Variants in STARD13 observed in about 807,000 individuals in gnomAD.
The protein encoded by STARD13 is StAR related lipid transfer domain containing 13.
STARD13 carries 62 observed loss-of-function variants against 106.4 expected under a neutral mutation model. The ratio of observed to expected loss-of-function variants is 0.58; its 90% confidence interval spans 0.48 to 0.72. The LOEUF (loss-of-function observed/expected upper bound fraction) is 0.72. Among genes scored for constraint, STARD13 ranks in the 30% least tolerant of loss-of-function variants. The pLI is 0.00. For synonymous variants in STARD13, 565 were observed against 553.0 expected (o/e 1.02, Z -0.31); for missense variants, 1,387 against 1,424.0 (o/e 0.97, Z 0.42).
the STARD13 span, among the ~76,000 whole-genome samples, chr13:33,547,794 A>G: frequency 6.6e-6 from 1 of 152,210 alleles, no homozygotes; most frequent in African/African-American, 2.4e-5. Flanking sequence ...ACTTAAAAGC[A>G]TTTTTCATTT....
chr13:33,439,114 A>G, the STARD13 span, among the ~76,000 whole-genome samples: 1 of 152,184 alleles, frequency 6.6e-6, no homozygotes, highest in Non-Finnish European at 1.5e-5. Context: ...TGTCTTATCC[A>G]TAATGACTAT....
chr13:33,370,810 C>T, the STARD13 span, among the ~76,000 whole-genome samples: 3 of 151,384 alleles, frequency 2.0e-5, no homozygotes, highest in Non-Finnish European at 2.9e-5. Flanking sequence ...TTAGTAGAGA[C>T]GGGTTTCACC....
At chr13:33,668,142 A>T in the STARD13 span, among the ~76,000 whole-genome samples, 1 of 152,192 alleles carries the variant, frequency 6.6e-6, no homozygotes, top group Non-Finnish European at 1.5e-5. Flanking sequence ...CAATTCGGGG[A>T]TCATTCATTG....
the STARD13 span, among the ~76,000 whole-genome samples, chr13:33,391,346 A>G: frequency 6.6e-6 from 1 of 152,180 alleles, no homozygotes; most frequent in East Asian, 1.9e-4. Context: ...ATCATGGCTG[A>G]TTGAAATGTG....
chr13:33,259,399 A>C (rs1234215834), intron 1 of STARD13, among the ~76,000 whole-genome samples: 1 of 152,210 alleles, frequency 6.6e-6, no homozygotes, highest in Non-Finnish European at 1.5e-5. Flanking sequence ...AGGAATAAAA[A>C]GGACCTCTTC....
chr13:33,312,764 A>G (rs933400139), intron 1 of STARD13, among the ~76,000 whole-genome samples: 6 of 152,228 alleles, frequency 3.9e-5, no homozygotes, highest in Non-Finnish European at 8.8e-5. Flanking sequence ...CTGATTGAGT[A>G]TGCCAGGACC....
chr13:33,258,231 T>A (rs1890463994), intron 1 of STARD13, among the ~76,000 whole-genome samples: 1 of 152,224 alleles, frequency 6.6e-6, no homozygotes, highest in South Asian at 2.1e-4. Context: ...GGGTCATCTT[T>A]TATCTGGCGT....
At chr13:33,455,772 A>G in the STARD13 span, among the ~76,000 whole-genome samples, 2 of 151,712 alleles carry the variant, frequency 1.3e-5, no homozygotes, top group East Asian at 3.9e-4. Context: ...CTACTAAAAA[A>G]ACAACAACAA....
the STARD13 span, among the ~76,000 whole-genome samples, chr13:33,431,553 GA>G: frequency 6.6e-6 from 1 of 152,058 alleles, no homozygotes; most frequent in African/African-American, 2.4e-5. Flanking sequence ...CGAATCATGG[GA>G]AAAATTTTTT....
the STARD13 span, among the ~76,000 whole-genome samples, chr13:33,360,962 A>ATTT: frequency 1.7e-5 from 2 of 115,956 alleles, no homozygotes; most frequent in African/African-American, 6.4e-5. Flanking sequence ...CGCCCGGCTA[A>ATTT]TTTTTTTTTT....
intron 3 of STARD13, among the ~76,000 whole-genome samples, chr13:33,149,888 T>G (rs952271434): frequency 6.6e-6 from 1 of 152,244 alleles, no homozygotes; most frequent in African/African-American, 2.4e-5. Context: ...GACAAATATT[T>G]AGCCCCAGTA....
At chr13:33,423,666 T>C in the STARD13 span, among the ~76,000 whole-genome samples, 3 of 152,142 alleles carry the variant, frequency 2.0e-5, no homozygotes, top group South Asian at 2.1e-4. Context: ...GCAGCACTAG[T>C]CACAATAGCA....
the STARD13 span, among the ~76,000 whole-genome samples, chr13:33,460,261 G>A: frequency 6.6e-6 from 1 of 151,994 alleles, no homozygotes; most frequent in Non-Finnish European, 1.5e-5. Flanking sequence ...GCCAAGGCAG[G>A]CAGATCACGA....
At chr13:33,182,063 T>G (rs1460114792) in intron 1 of STARD13, among the ~76,000 whole-genome samples, 1 of 152,228 alleles carries the variant, frequency 6.6e-6, no homozygotes, top group Non-Finnish European at 1.5e-5. Flanking sequence ...CAATCTTTAG[T>G]CAGAAATAAA....
chr13:33,330,306 T>C (rs1303931135), intron 1 of STARD13, among the ~76,000 whole-genome samples: 1 of 152,242 alleles, frequency 6.6e-6, no homozygotes, highest in Non-Finnish European at 1.5e-5. Context: ...TGAAGTGATA[T>C]CTCATTATGG....
At chr13:33,655,590 G>A in the STARD13 span, among the ~76,000 whole-genome samples, 4 of 152,112 alleles carry the variant, frequency 2.6e-5, no homozygotes, top group African/African-American at 9.7e-5. Flanking sequence ...TTGGACCGGA[G>A]ACACTTTATG....
At chr13:33,235,221 G>A (rs1889129345) in intron 1 of STARD13, among the ~76,000 whole-genome samples, 1 of 152,166 alleles carries the variant, frequency 6.6e-6, no homozygotes, top group East Asian at 1.9e-4. Context: ...GTCAGACACT[G>A]AGCAAACTAC....
At chr13:33,111,670 T>G in intron 10 of STARD13, 108 bp downstream of exon 10, 1 of 712,254 alleles carries the variant, frequency 1.4e-6, no homozygotes, top group Non-Finnish European at 2.5e-6. Flanking sequence ...ACTATTGTCA[T>G]AAAATCAGGA....
At position 33,126,291 on chromosome 13, in the gene STARD13, G is replaced by T. The variant is rs370638420; in HGVS notation, c.1923-51C>A. 278 of 1,586,408 alleles carry T rather than the reference G, an allele frequency of 1.8e-4. 1 individual carries two copies. The highest frequency in any genetic ancestry group is 5.4e-4 in the Middle Eastern group (3 of 5,536). Reference sequence around the variant, plus strand: ...GCAAGCCTCCTGGGTCACACTGTGGGGTGAGGCTCTGGAAGCAAGCATGAG... The same window carrying T: ...GCAAGCCTCCTGGGTCACACTGTGGTGTGAGGCTCTGGAAGCAAGCATGAG... On this transcript the variant is annotated intron_variant, in intron 6 of 13. Transcript: ENST00000336934.
Sources: allele counts gnomAD v4.1 joint callset (sites outside exome capture counted in the v4.1 genomes callset), GRCh38; gene constraint gnomAD v4.1.1; transcripts MANE v1.5; gene names NCBI Gene and HGNC (gene_info 2026-07-23, HGNC 2026-07-21).